Variants in B3GAT2 observed in about 807,000 individuals in gnomAD.
B3GAT2 encodes beta-1,3-glucuronyltransferase 2.
A neutral mutation model predicts 27.8 loss-of-function variants in B3GAT2; 26 were observed. The observed-to-expected ratio is 0.93, with a 90% CI of 0.68 to 1.30. The LOEUF (loss-of-function observed/expected upper bound fraction) is 1.30, where lower values mean the gene tolerates loss of function less well. Among genes scored for constraint, B3GAT2 ranks in the 50% most tolerant of loss-of-function variants. The pLI, the probability that B3GAT2 is intolerant of heterozygous loss-of-function variation, is 0.00. For synonymous variants in B3GAT2, 218 were observed against 195.1 expected (o/e 1.12, Z -0.98); for missense variants, 458 against 459.0 (o/e 1.00, Z 0.02).
Position 70,929,680 on chromosome 6 carries a change from C to T in B3GAT2, c.591+26159G>A, listed in dbSNP as rs906836706. 2.0e-5 allele frequency among the ~76,000 whole-genome samples: 3 copies of T among 152,102 alleles called. No individual in the cohort carries two copies. In the East Asian group the frequency reaches 5.8e-4, roughly 29 times the overall value. ...TCAAGGAGAACTACAAACCACTGCT[C>T]AATGAAATAAAAGAGGACAAACAAA... On this transcript the variant is annotated intron_variant, in intron 1 of 3. Coordinates refer to ENST00000230053, the MANE Select transcript of B3GAT2 (RefSeq NM_080742.3).
intron 2 of B3GAT2, among the ~76,000 whole-genome samples, chr6:70,892,080 A>C (rs1292308720): frequency 6.6e-6 from 1 of 152,202 alleles, no homozygotes; most frequent in African/African-American, 2.4e-5. Flanking sequence ...GTCTCCTTAG[A>C]GACACTTTAT....
In B3GAT2 at chr6:70,857,920, A is replaced by G; in HGVS notation, c.*3743T>C. On this transcript the variant is annotated 3_prime_UTR_variant, in exon 4 of 4. Coordinates refer to ENST00000230053, the MANE Select transcript of B3GAT2 (RefSeq NM_080742.3). ...TTCATTCATTTTCTTTTTGTGGTGC[A>G]GGTGTATTTATGGGACCCACAAATA... 6.2e-7 allele frequency: 1 copy of G among 1,613,298 alleles called. No homozygotes were observed. The highest frequency in any genetic ancestry group is 8.5e-7 in the Non-Finnish European group (1 of 1,179,416).
chr6:70,859,609 G>A lies in B3GAT2; in HGVS notation c.*2054C>T. On this transcript the variant is annotated 3_prime_UTR_variant, in exon 4 of 4. Transcript: ENST00000230053. ...CTTTCCTTCTCTTATCACCAATTTT[G>A]GAAGTAAGAGAATCACAGGGTTAAG... The A allele has an allele frequency of 2.6e-6, 1 of 385,650 alleles. No homozygotes were observed. The highest frequency in any genetic ancestry group is 6.1e-5 in the South Asian group (1 of 16,284). 23.9% of individuals were successfully genotyped at this position (385,650 alleles called of 1,614,324 possible).
At chr6:70,882,149 T>C (rs1582349417) in intron 2 of B3GAT2, among the ~76,000 whole-genome samples, 1 of 152,152 alleles carries the variant, frequency 6.6e-6, no homozygotes, top group Non-Finnish European at 1.5e-5. Flanking sequence ...GAAAGCTTCA[T>C]GAGATTGGAT....
Position 70,920,799 on chromosome 6 carries a change from A to T in B3GAT2, c.592-26527T>A, listed in dbSNP as rs183287060. ...TCTTTTGTTTCCATATTTGGCACTC[A>T]CTTAAGGACCTCTTGTAAGGCATGT... On this transcript the variant is annotated intron_variant, in intron 1 of 3. Coordinates refer to ENST00000230053, the MANE Select transcript of B3GAT2 (RefSeq NM_080742.3). Among the ~76,000 whole-genome samples, 282 of 152,266 alleles carry T rather than the reference A, an allele frequency of 1.9e-3. 1 individual carries two copies. The highest frequency in any genetic ancestry group is 6.1e-3 in the African/African-American group (253 of 41,552).
intron 2 of B3GAT2, among the ~76,000 whole-genome samples, chr6:70,866,233 T>G (rs1297974098): frequency 6.6e-6 from 1 of 152,152 alleles, no homozygotes; most frequent in African/African-American, 2.4e-5. Flanking sequence ...GGAGGAGAAC[T>G]TGGAAGGTTA....
chr6:70,864,061 CTTTTTTT>C (rs35544177), intron 2 of B3GAT2, among the ~76,000 whole-genome samples: 1 of 129,794 alleles, frequency 7.7e-6, no homozygotes, highest in South Asian at 2.4e-4. Context: ...AAGCTTTATC[CTTTTTTT>C]TTTTTTTTTT....
chr6:70,934,604 C>T (rs1230748663), intron 1 of B3GAT2, among the ~76,000 whole-genome samples: 1 of 152,060 alleles, frequency 6.6e-6, no homozygotes, highest in Non-Finnish European at 1.5e-5. Context: ...TGGAGGTGAC[C>T]TAATATCATT....
chr6:70,918,282 C>T (rs940094671), intron 1 of B3GAT2, among the ~76,000 whole-genome samples: 1 of 151,994 alleles, frequency 6.6e-6, no homozygotes, highest in African/African-American at 2.4e-5. Flanking sequence ...TTTATTTGAG[C>T]CTATGTGTGT....
chr6:70,933,025 C>G (rs1375536469), intron 1 of B3GAT2, among the ~76,000 whole-genome samples: 1 of 152,144 alleles, frequency 6.6e-6, no homozygotes, highest in Non-Finnish European at 1.5e-5. Context: ...GTCTCGAACT[C>G]CTGGGCTAAG....
chr6:70,875,907 T>G (rs567916192), intron 2 of B3GAT2, among the ~76,000 whole-genome samples: 1 of 152,348 alleles, frequency 6.6e-6, no homozygotes, highest in East Asian at 1.9e-4. Context: ...AAACTGAATC[T>G]TCTAAGGAAA....
chr6:70,940,715 G>A (rs941638024), intron 1 of B3GAT2, among the ~76,000 whole-genome samples: 1 of 152,086 alleles, frequency 6.6e-6, no homozygotes. Context: ...ATCACCTGAG[G>A]TCAGGAGTTT....
chr6:70,902,257 AAG>A (rs1772512169), intron 1 of B3GAT2, among the ~76,000 whole-genome samples: 1 of 152,208 alleles, frequency 6.6e-6, no homozygotes, highest in Non-Finnish European at 1.5e-5. Context: ...ATTTCTGGCT[AAG>A]ATGCCAAGGC....
intron 1 of B3GAT2, among the ~76,000 whole-genome samples, chr6:70,912,210 A>G (rs1772699543): frequency 6.6e-6 from 1 of 152,112 alleles, no homozygotes; most frequent in South Asian, 2.1e-4. Flanking sequence ...CTTATTCCAC[A>G]AGGGGAATGC....
chr6:70,951,317 A>C (rs1353776177), intron 1 of B3GAT2, among the ~76,000 whole-genome samples: 2 of 152,170 alleles, frequency 1.3e-5, no homozygotes, highest in Non-Finnish European at 2.9e-5. Flanking sequence ...AGCAATTACT[A>C]TTCCATTACT....
At chr6:70,946,245 A>G (rs1449431788) in intron 1 of B3GAT2, among the ~76,000 whole-genome samples, 1 of 152,094 alleles carries the variant, frequency 6.6e-6, no homozygotes, top group African/African-American at 2.4e-5. Context: ...ATGTAAATGG[A>G]CTAAATGCTC....
chr6:70,953,160 G>T (rs867896987), intron 1 of B3GAT2, among the ~76,000 whole-genome samples: 5 of 152,276 alleles, frequency 3.3e-5, no homozygotes, highest in Middle Eastern at 3.4e-3. Context: ...ACAATATAAA[G>T]GGCTGAGATA....
chr6:70,899,302 C>T (rs6912672), intron 1 of B3GAT2, among the ~76,000 whole-genome samples: 2,556 of 152,174 alleles, frequency 0.017, 67 homozygotes, highest in African/African-American at 0.058. Flanking sequence ...GGGTTTTGTC[C>T]ACAGAATACA....
At chr6:70,906,856 C>T (rs1370289585) in intron 1 of B3GAT2, among the ~76,000 whole-genome samples, 1 of 152,068 alleles carries the variant, frequency 6.6e-6, no homozygotes, top group African/African-American at 2.4e-5. Flanking sequence ...TACACAGACA[C>T]ATAGATAAAA....
Sources: allele counts gnomAD v4.1 joint callset (sites outside exome capture counted in the v4.1 genomes callset), GRCh38; gene constraint gnomAD v4.1.1; transcripts MANE v1.5; gene names NCBI Gene and HGNC (gene_info 2026-07-23, HGNC 2026-07-21).